The following LRP1B variants were observed in gnomAD, a reference collection of about 807,000 sequenced individuals.
LRP1B encodes low-density lipoprotein receptor-related protein 1B.
A neutral mutation model predicts 556.6 loss-of-function variants in LRP1B; 217 were observed. The observed-to-expected ratio is 0.39, with a 90% CI of 0.35 to 0.44. The LOEUF is 0.44. Among genes scored for constraint, LRP1B ranks in the 20% least tolerant of loss-of-function variants. LRP1B has a pLI of 1.00. For missense variants in LRP1B, 5,053 were observed against 5,620.8 expected (o/e 0.90, Z 3.23); for synonymous variants, 2,047 against 1,865.8 (o/e 1.10, Z -2.50).
At chr2:141,106,209 T>C (rs1558864369) in intron 7 of LRP1B, among the ~76,000 whole-genome samples, 1 of 152,190 alleles carries the variant, frequency 6.6e-6, no homozygotes, top group Non-Finnish European at 1.5e-5. Flanking sequence ...TTTTCTGAAA[T>C]TAAATATTTA....
chr2:141,194,171 C>T (rs548245006), intron 6 of LRP1B, among the ~76,000 whole-genome samples: 2 of 152,172 alleles, frequency 1.3e-5, no homozygotes, highest in South Asian at 2.1e-4. Context: ...AACAGTTTTG[C>T]CATCCTGCTG....
At chr2:140,678,286 CTGTGTGTT>C (rs1685741454) in intron 41 of LRP1B, among the ~76,000 whole-genome samples, 1 of 152,084 alleles carries the variant, frequency 6.6e-6, no homozygotes, top group South Asian at 2.1e-4. Flanking sequence ...ATATGTAAAT[CTGTGTGTT>C]TGTGTGCTTT....
At chr2:141,481,949 A>T (rs559921605) in intron 2 of LRP1B, among the ~76,000 whole-genome samples, 1 of 152,276 alleles carries the variant, frequency 6.6e-6, no homozygotes, top group East Asian at 1.9e-4. Flanking sequence ...TGTATCTCAA[A>T]CTGTCTTTTC....
intron 1 of LRP1B, among the ~76,000 whole-genome samples, chr2:141,897,423 T>C (rs1490753251): frequency 1.3e-5 from 2 of 152,124 alleles, no homozygotes; most frequent in African/African-American, 4.8e-5. Flanking sequence ...TAGTACCAGG[T>C]CAGCAATATC....
chr2:140,413,151 A>G (rs1347217572), intron 66 of LRP1B, among the ~76,000 whole-genome samples: 1 of 152,158 alleles, frequency 6.6e-6, no homozygotes, highest in African/African-American at 2.4e-5. Flanking sequence ...TTAGCTTTAA[A>G]GAAAGATAAA....
chr2:140,338,088 C>T (rs656191), intron 77 of LRP1B, among the ~76,000 whole-genome samples: 5,676 of 151,550 alleles, frequency 0.037, 339 homozygotes, highest in African/African-American at 0.13. Context: ...ACTTACTTTT[C>T]ATGATAAGTA....
chr2:141,151,705 T>C (rs561853419), intron 7 of LRP1B, among the ~76,000 whole-genome samples: 69 of 152,240 alleles, frequency 4.5e-4, no homozygotes, highest in Non-Finnish European at 1.2e-4. Flanking sequence ...TAGTATTAGA[T>C]CAATATCTTT....
chr2:141,483,835 T>G (rs1683014284), intron 2 of LRP1B, among the ~76,000 whole-genome samples: 2 of 151,382 alleles, frequency 1.3e-5, no homozygotes. Context: ...GTAAATTTGT[T>G]TGAGTTCATT....
chr2:141,548,683 C>A (rs911647586), intron 2 of LRP1B, among the ~76,000 whole-genome samples: 1 of 152,106 alleles, frequency 6.6e-6, no homozygotes, highest in African/African-American at 2.4e-5. Context: ...TATTACTGTG[C>A]TGATTTAGCA....
chr2:141,745,781 A>G (rs1693893770), intron 2 of LRP1B, among the ~76,000 whole-genome samples: 1 of 151,864 alleles, frequency 6.6e-6, no homozygotes, highest in Admixed American at 6.6e-5. Context: ...ACAGCTGGCA[A>G]TATGCTGGGT....
intron 2 of LRP1B, among the ~76,000 whole-genome samples, chr2:141,679,594 T>C (rs924816365): frequency 6.6e-6 from 1 of 152,156 alleles, no homozygotes; most frequent in Non-Finnish European, 1.5e-5. Context: ...TACCAATCCC[T>C]CTTCTAAAGA....
At chr2:141,813,896 G>A (rs1483655261) in intron 1 of LRP1B, among the ~76,000 whole-genome samples, 4 of 152,134 alleles carry the variant, frequency 2.6e-5, no homozygotes, top group Admixed American at 2.0e-4. Flanking sequence ...AGGGTTGCCG[G>A]CTGTGGGGCT....
chr2:141,684,445 G>C (rs1049361915), intron 2 of LRP1B, among the ~76,000 whole-genome samples: 1 of 151,948 alleles, frequency 6.6e-6, no homozygotes, highest in Admixed American at 6.6e-5. Flanking sequence ...CACAAACCAG[G>C]GCCTGCCGGG....
intron 2 of LRP1B, among the ~76,000 whole-genome samples, chr2:141,772,356 T>C (rs1460188662): frequency 1.3e-5 from 2 of 152,312 alleles, no homozygotes; most frequent in Admixed American, 6.5e-5. Flanking sequence ...AAATATACTT[T>C]CACCAACTTG....
In LRP1B at chr2:140,663,890, TTTCTC is replaced by T. The variant is rs767052883; in HGVS notation, c.6799+36355_6799+36359del. ...TTTCAGATTAGGGACATGTGACTCT[TTTCTC>T]TTCTTTTTTTACTTGAACACTTGAG... On this transcript the variant is annotated intron_variant, in intron 41 of 90. Coordinates refer to ENST00000389484, the MANE Select transcript of LRP1B (RefSeq NM_018557.3). 4.6e-4 allele frequency among the ~76,000 whole-genome samples: 70 copies of T among 152,242 alleles called. 1 individual carries two copies. The highest frequency in any genetic ancestry group is 3.3e-3 in the Admixed American group (50 of 15,288).
intron 1 of LRP1B, among the ~76,000 whole-genome samples, chr2:142,107,184 A>G (rs1439235884): frequency 6.6e-6 from 1 of 152,200 alleles, no homozygotes; most frequent in Non-Finnish European, 1.5e-5. Flanking sequence ...AAATAAAATT[A>G]TACTGCTCAA....
intron 1 of LRP1B, among the ~76,000 whole-genome samples, chr2:142,037,843 T>C (rs1199021186): frequency 6.6e-6 from 1 of 151,626 alleles, no homozygotes; most frequent in Non-Finnish European, 1.5e-5. Context: ...TCAGAACATG[T>C]ATAAGATAAT....
intron 2 of LRP1B, among the ~76,000 whole-genome samples, chr2:141,752,945 G>A (rs370294557): frequency 2.5e-3 from 71 of 28,222 alleles, no homozygotes; most frequent in Middle Eastern, 0.042. Flanking sequence ...CCCTGTCTCA[G>A]AAAAAAAAAA....
intron 3 of LRP1B, among the ~76,000 whole-genome samples, chr2:141,391,719 C>T (rs1304203197): frequency 6.6e-6 from 1 of 152,092 alleles, no homozygotes; most frequent in Non-Finnish European, 1.5e-5. Flanking sequence ...AGAAAGGCTG[C>T]TGCAGTTGTT....
Sources: gnomAD v4.1 joint callset for allele counts (sites outside exome capture counted in the v4.1 genomes callset) on GRCh38, gnomAD v4.1.1 for gene constraint, MANE v1.5 for transcripts, NCBI Gene and HGNC (gene_info 2026-07-23, HGNC 2026-07-21) for gene names.